Variants in SCOC observed in about 807,000 individuals in gnomAD.
SCOC encodes the protein short coiled coil protein.
Under a neutral mutation model 9.9 loss-of-function variants are expected in SCOC, and 7 were observed. The ratio of observed to expected loss-of-function variants is 0.71; its 90% CI spans 0.40 to 1.33. The LOEUF (loss-of-function observed/expected upper bound fraction) is 1.33, where lower values mean the gene tolerates loss of function less well. SCOC is among the 40% of genes most tolerant of loss of function. The pLI is 0.01. For synonymous variants in SCOC, 19 were observed against 28.2 expected, an observed-to-expected ratio of 0.67 and a Z score of 1.03; for missense variants, 66 against 89.7, an observed-to-expected ratio of 0.74 and a Z score of 1.07.
chr4:140,337,650 C>A (rs1406475263), intron 1 of SCOC, among the ~76,000 whole-genome samples: 1 of 152,074 alleles, frequency 6.6e-6, no homozygotes, highest in Non-Finnish European at 1.5e-5. Context: ...ATACAAACTA[C>A]CATCAGAGAA....
chr4:140,292,861 T>C (rs1416707257), intron 1 of SCOC, among the ~76,000 whole-genome samples: 2 of 152,188 alleles, frequency 1.3e-5, no homozygotes, highest in South Asian at 2.1e-4. Context: ...GGGACCCTGA[T>C]TTCATAGGAG....
intron 1 of SCOC, among the ~76,000 whole-genome samples, chr4:140,309,583 A>G (rs2126465031): frequency 6.6e-6 from 1 of 152,316 alleles, no homozygotes; most frequent in South Asian, 2.1e-4. Flanking sequence ...CCCACAGAAT[A>G]ACTCACTCTA....
At chr4:140,272,057 C>CTT (rs11325260) in intron 1 of SCOC, among the ~76,000 whole-genome samples, 5 of 133,748 alleles carry the variant, frequency 3.7e-5, no homozygotes, top group Non-Finnish European at 1.6e-5. Context: ...TCTATCATCA[C>CTT]TTTTTTTTTT....
intron 2 of SCOC, among the ~76,000 whole-genome samples, chr4:140,362,356 T>G (rs1436989747): frequency 1.6e-5 from 2 of 121,420 alleles, no homozygotes; most frequent in African/African-American, 6.2e-5. Flanking sequence ...AGTGCAGTAG[T>G]GTGATCTTGG....
rs571991111 is a variant in SCOC at position 140,377,413 on chromosome 4, A to T, written c.-50-1708A>T. Among the ~76,000 whole-genome samples the T allele has an allele frequency of 1.5e-4, 23 of 152,378 alleles. 1 individual carries two copies. The South Asian group carries it at 4.8e-3, about 32-fold the overall frequency. On this transcript the variant is annotated intron_variant, in intron 1 of 3. Coordinates refer to ENST00000608372, the MANE Select transcript of SCOC (RefSeq NM_001153484.2). ...CTGAGAATTAAATAATGTGAAAAAG[A>T]GGTCGGGCAGAGCAACTTTAAATGC...
chr4:140,265,258 C>T (rs151098454), intron 1 of SCOC, among the ~76,000 whole-genome samples: 7 of 152,276 alleles, frequency 4.6e-5, no homozygotes, highest in African/African-American at 1.2e-4. Context: ...TCCCAAAAGT[C>T]GGTCCCTGAG....
At chr4:140,369,525 G>A (rs767593782), upstream of SCOC, among the ~76,000 whole-genome samples, 2 of 152,098 alleles carry the variant, frequency 1.3e-5, no homozygotes. Flanking sequence ...TCCACAGTAC[G>A]TTTAGAACCC....
intron 1 of SCOC, among the ~76,000 whole-genome samples, chr4:140,290,560 C>T (rs1030833605): frequency 6.6e-6 from 1 of 152,214 alleles, no homozygotes; most frequent in African/African-American, 2.4e-5. Context: ...TGCCTGTATT[C>T]CCAGCACTTG....
intron 1 of SCOC, among the ~76,000 whole-genome samples, chr4:140,263,536 G>C (rs1019247503): frequency 4.6e-5 from 7 of 152,142 alleles, no homozygotes; most frequent in African/African-American, 1.7e-4. Flanking sequence ...ATGACACCGG[G>C]AGTGAAAGCA....
chr4:140,289,341 C>T lies in SCOC; in HGVS notation c.-19+31931C>T, dbSNP rs111549378. On this transcript the variant is annotated intron_variant, in intron 1 of 4. Coordinates refer to the SCOC transcript ENST00000394205. ...ATCTCCTCTGAGCCAGCATATCAGC[C>T]GCCCTTTTCAAGTGAGTTTTCGGGA... Among the ~76,000 whole-genome samples, 59 of 152,306 alleles carry T rather than the reference C, an allele frequency of 3.9e-4. 1 individual carries two copies. Among genetic ancestry groups the T allele is most frequent in the African/African-American group, 1.4e-3 (57 of 41,566 alleles).
rs1165778329 is a variant in SCOC, at chr4:140,381,039, A to G, written c.184A>G (p.Ile62Val). 4.4e-6 allele frequency: 7 copies of G among 1,605,844 alleles called. No homozygotes were observed. Among genetic ancestry groups the G allele is most frequent in the South Asian group, 2.2e-5 (2 of 89,218 alleles). Residue 62 changes from isoleucine (I) to valine (V), a missense_variant, in exon 4 of 4, where the codon ATA (isoleucine) becomes GTA (valine). Physicochemically the swap from Ile to Val is conservative, Grantham distance 29 (BLOSUM62 3). Coordinates refer to ENST00000608372, the MANE Select transcript of SCOC (RefSeq NM_001153484.2). ...KSENQVLGQY[I>V]ENLMSASSVF... ...AGAAAACCAAGTTCTTGGACAATAT[A>G]TAGAAAATCTCATGTCAGCTTCTAG...
chr4:140,378,133 T>A (rs891601277), intron 1 of SCOC, among the ~76,000 whole-genome samples: 1 of 152,136 alleles, frequency 6.6e-6, no homozygotes, highest in African/African-American at 2.4e-5. Flanking sequence ...ACATCCTGAT[T>A]AGTCTGTTTT....
intron 1 of SCOC, among the ~76,000 whole-genome samples, chr4:140,336,344 G>C (rs780427426): frequency 1.3e-5 from 2 of 152,048 alleles, no homozygotes; most frequent in Non-Finnish European, 2.9e-5. Flanking sequence ...CATCACCCCA[G>C]AAACACACCC....
At chr4:140,313,119 C>T (rs924762689) in intron 1 of SCOC, among the ~76,000 whole-genome samples, 2 of 152,198 alleles carry the variant, frequency 1.3e-5, no homozygotes, top group Non-Finnish European at 2.9e-5. Context: ...AGTCCTCCAC[C>T]TTTTCATGCC....
chr4:140,300,384 A>T (rs1397382185), intron 1 of SCOC, among the ~76,000 whole-genome samples: 1 of 152,146 alleles, frequency 6.6e-6, no homozygotes, highest in African/African-American at 2.4e-5. Flanking sequence ...GGGCAGCCTT[A>T]CAGGGTTCTT....
chr4:140,369,321 C>T (rs757201635), upstream of SCOC: 1 of 416,606 alleles, frequency 2.4e-6, no homozygotes, highest in South Asian at 1.7e-5. Flanking sequence ...AAATTCAGAA[C>T]AGCATTCATT....
chr4:140,274,786 A>G (rs2126407077), intron 1 of SCOC, among the ~76,000 whole-genome samples: 1 of 151,494 alleles, frequency 6.6e-6, no homozygotes, highest in Non-Finnish European at 1.5e-5. Flanking sequence ...GCCTTCAACC[A>G]CTCCTCGGTG....
chr4:140,308,916 G>C (rs13107675), intron 1 of SCOC, among the ~76,000 whole-genome samples: 60,006 of 151,884 alleles, frequency 0.4, 14,298 homozygotes, highest in African/African-American at 0.67. Context: ...TACAGTTCAG[G>C]AGCAGGCAGC....
upstream of SCOC, among the ~76,000 whole-genome samples, chr4:140,371,007 T>A (rs1728030770): frequency 6.6e-6 from 1 of 151,702 alleles, no homozygotes; most frequent in Admixed American, 6.6e-5. Flanking sequence ...TGCCTCAGCC[T>A]CCCGAGTAGC....
Sources: gnomAD v4.1 joint callset for allele counts (sites outside exome capture counted in the v4.1 genomes callset) on GRCh38, gnomAD v4.1.1 for gene constraint, MANE v1.5 for transcripts, NCBI Gene and HGNC (gene_info 2026-07-23, HGNC 2026-07-21) for gene names.